The following PRKCH variants were observed in gnomAD, a reference collection of about 807,000 sequenced individuals.
PRKCH encodes protein kinase C eta, also known as protein kinase C eta type.
Under a neutral mutation model 82.5 loss-of-function variants are expected in PRKCH, and 28 were observed. The ratio of observed to expected loss-of-function variants is 0.34; its 90% confidence interval spans 0.25 to 0.47. The LOEUF (loss-of-function observed/expected upper bound fraction) is 0.47, where lower values mean the gene tolerates loss of function less well. Ranked by LOEUF, PRKCH falls within the 20% of genes least tolerant of loss-of-function variation. The pLI, the probability that PRKCH is intolerant of heterozygous loss-of-function variation, is 1.00. For synonymous variants in PRKCH, 322 were observed against 327.4 expected (o/e 0.98, Z 0.18); for missense variants, 705 against 881.8 (o/e 0.80, Z 2.54).
chr14:61,436,830 C>T (rs1883703811), intron 2 of PRKCH, among the ~76,000 whole-genome samples: 1 of 152,280 alleles, frequency 6.6e-6, no homozygotes, highest in East Asian at 1.9e-4. Context: ...CCACACCCGG[C>T]CTTGCTGCCA....
chr14:61,369,375 T>C (rs1466538216), intron 1 of PRKCH, among the ~76,000 whole-genome samples: 1 of 152,114 alleles, frequency 6.6e-6, no homozygotes, highest in East Asian at 1.9e-4. Flanking sequence ...CCTAAGGGCT[T>C]TGAAGTCTCT....
chr14:61,515,119 A>T (rs974131658), intron 10 of PRKCH, among the ~76,000 whole-genome samples: 2 of 152,194 alleles, frequency 1.3e-5, no homozygotes, highest in Non-Finnish European at 2.9e-5. Context: ...CACACCACTG[A>T]GTGTCAAACC....
intron 2 of PRKCH, among the ~76,000 whole-genome samples, chr14:61,402,838 C>G (rs1022640045): frequency 7.0e-6 from 1 of 142,772 alleles, no homozygotes; most frequent in Non-Finnish European, 1.5e-5. Flanking sequence ...ATCTAGCTGT[C>G]TTTTTTTTTA....
chr14:61,287,178 C>T lies in PRKCH; in HGVS notation c.-19+99510C>T, dbSNP rs2045322437. Among the ~76,000 whole-genome samples the T allele has an allele frequency of 2.2e-5, 3 of 135,290 alleles. No individual in the cohort carries two copies. In the Admixed American group the frequency reaches 2.4e-4, roughly 11 times the overall value. 88.8% of individuals were successfully genotyped at this position (135,290 alleles called of 152,430 possible). A position where few individuals can be genotyped will look rare whatever the true frequency, so the allele number is the denominator to read the frequency against. On this transcript the variant is annotated intron_variant, in intron 1 of 3. Transcript: ENST00000555185. Reference sequence around the variant, plus strand: ...TGAGATCACACCACTGCACTTCAGCCTGAGCAACAGTGCAAGACTCCGTCT... The same window carrying T: ...TGAGATCACACCACTGCACTTCAGCTTGAGCAACAGTGCAAGACTCCGTCT...
rs2043300421 is a variant in PRKCH, at chr14:61,549,549, C to T, written c.1906-136C>T. The stretch of plus-strand genomic sequence containing the variant: ...GCTGTAAAGCACAGTTTCATCATAA[C>T]AATAACTGTAAATAATGCTACTGAA... On this transcript the variant is annotated intron_variant, in intron 13 of 13. Transcript: ENST00000332981. The T allele has an allele frequency of 6.0e-6, 6 of 991,820 alleles. No individual in the cohort carries two copies. In the Admixed American group the frequency reaches 9.2e-5, roughly 15 times the overall value. 61.4% of individuals were successfully genotyped at this position (991,820 alleles called of 1,614,324 possible).
At chr14:61,297,617 A>T (rs560121725) in intron 1 of PRKCH, among the ~76,000 whole-genome samples, 3 of 152,346 alleles carry the variant, frequency 2.0e-5, no homozygotes, top group African/African-American at 7.2e-5. Context: ...TTAGATTCTC[A>T]TAAGGAATGT....
At chr14:61,318,587 G>T (rs546133861), upstream of PRKCH, among the ~76,000 whole-genome samples, 1 of 151,810 alleles carries the variant, frequency 6.6e-6, no homozygotes, top group Non-Finnish European at 1.5e-5. Context: ...CCTTGATACC[G>T]TCCTCTTCCT....
At chr14:61,268,686 A>G (rs777965491) in intron 1 of PRKCH, among the ~76,000 whole-genome samples, 3 of 152,170 alleles carry the variant, frequency 2.0e-5, no homozygotes, top group Non-Finnish European at 2.9e-5. Flanking sequence ...AAATATATAT[A>G]TATTTCTTAG....
Position 61,244,634 on chromosome 14 carries a change from C to G in PRKCH, c.-19+56966C>G, listed in dbSNP as rs563079960. 2.0e-4 allele frequency among the ~76,000 whole-genome samples: 31 copies of G among 152,272 alleles called. No individual in the cohort carries two copies. The South Asian group carries it at 6.0e-3, about 30-fold the overall frequency. On this transcript the variant is annotated intron_variant, in intron 1 of 3. Transcript: ENST00000555185. Reference sequence around the variant, plus strand: ...GGCAGAGGTAACTGCCAAAACACACCGCTGGTCCTGGAATAACTCAGAGGT... The same window carrying G: ...GGCAGAGGTAACTGCCAAAACACACGGCTGGTCCTGGAATAACTCAGAGGT...
chr14:61,193,592 T>C (rs1320432362), intron 1 of PRKCH, among the ~76,000 whole-genome samples: 1 of 152,108 alleles, frequency 6.6e-6, no homozygotes, highest in Non-Finnish European at 1.5e-5. Context: ...TTGTGATAAA[T>C]GTTTCATGAC....
chr14:61,367,716 C>CTTT (rs34427789), intron 1 of PRKCH, among the ~76,000 whole-genome samples: 1 of 137,374 alleles, frequency 7.3e-6, no homozygotes, highest in Admixed American at 7.3e-5. Context: ...TGGAGAACTC[C>CTTT]TTTTTTTTTT....
At chr14:61,414,597 T>C (rs188271898) in intron 2 of PRKCH, among the ~76,000 whole-genome samples, 1 of 149,918 alleles carries the variant, frequency 6.7e-6, no homozygotes, top group East Asian at 2.0e-4. Flanking sequence ...TCTTTTTTTT[T>C]TTTTTTTGAG....
intron 2 of PRKCH, among the ~76,000 whole-genome samples, chr14:61,426,932 G>A (rs1719380667): frequency 6.6e-6 from 1 of 152,190 alleles, no homozygotes; most frequent in Non-Finnish European, 1.5e-5. Context: ...GAAGGCAGTT[G>A]TCGACAAAGA....
chr14:61,424,827 T>A (rs1463159383), intron 2 of PRKCH, among the ~76,000 whole-genome samples: 1 of 152,230 alleles, frequency 6.6e-6, no homozygotes, highest in Non-Finnish European at 1.5e-5. Context: ...AGTGGTTTCA[T>A]GGACTGGGCC....
At chr14:61,414,620 T>C (rs1882458592) in intron 2 of PRKCH, among the ~76,000 whole-genome samples, 1 of 147,300 alleles carries the variant, frequency 6.8e-6, no homozygotes, top group African/African-American at 2.5e-5. Flanking sequence ...GGAGTCTCAC[T>C]CTGTTGCCCA....
intron 1 of PRKCH, among the ~76,000 whole-genome samples, chr14:61,381,422 G>T (rs2046507809): frequency 6.6e-6 from 1 of 152,204 alleles, no homozygotes; most frequent in Non-Finnish European, 1.5e-5. Flanking sequence ...ATACCTCTTA[G>T]TATGCTTTAA....
chr14:61,333,168 G>T (rs1359438253), intron 1 of PRKCH, among the ~76,000 whole-genome samples: 2 of 152,168 alleles, frequency 1.3e-5, no homozygotes, highest in African/African-American at 4.8e-5. Flanking sequence ...TTTAATTATG[G>T]TACAGAAGAG....
At chr14:61,340,227 C>G (rs1461556021) in intron 1 of PRKCH, among the ~76,000 whole-genome samples, 2 of 152,058 alleles carry the variant, frequency 1.3e-5, no homozygotes, top group African/African-American at 4.8e-5. Flanking sequence ...GTCAGTTCTT[C>G]TTTGTCTTGT....
intron 1 of PRKCH, among the ~76,000 whole-genome samples, chr14:61,228,561 T>G (rs937929855): frequency 2.0e-5 from 3 of 152,202 alleles, no homozygotes; most frequent in Non-Finnish European, 4.4e-5. Flanking sequence ...GGATAGAAGA[T>G]GAATCTATCA....
Sources: allele counts gnomAD v4.1 joint callset (sites outside exome capture counted in the v4.1 genomes callset), GRCh38; gene constraint gnomAD v4.1.1; transcripts MANE v1.5; gene names NCBI Gene and HGNC (gene_info 2026-07-23, HGNC 2026-07-21).